The following C12orf42 variants were observed in gnomAD, a reference collection of about 807,000 sequenced individuals.
C12orf42 encodes uncharacterized protein C12orf42.
A neutral mutation model predicts 21.6 loss-of-function variants in C12orf42; 25 were observed. The observed-to-expected ratio is 1.16, with a 90% CI of 0.84 to 1.62. The LOEUF (loss-of-function observed/expected upper bound fraction) is 1.62, where lower values mean the gene tolerates loss of function less well. C12orf42 is among the 40% of genes most tolerant of loss of function. The pLI is 0.00. For synonymous variants in C12orf42, 174 were observed against 175.0 expected (o/e 0.99, Z 0.05); for missense variants, 483 against 459.3 (o/e 1.05, Z -0.47).
At chr12:103,430,104 A>C (rs1434946194) in intron 2 of C12orf42, among the ~76,000 whole-genome samples, 9 of 151,684 alleles carry the variant, frequency 5.9e-5, no homozygotes, top group Non-Finnish European at 1.2e-4. Context: ...ATGGCAACAA[A>C]AGCCAATGGG....
chr12:103,426,551 CA>C (rs1480699290), intron 2 of C12orf42, among the ~76,000 whole-genome samples: 1 of 152,142 alleles, frequency 6.6e-6, no homozygotes, highest in Admixed American at 6.5e-5. Context: ...GGATATTATC[CA>C]GAAGAACTTC....
intron 2 of C12orf42, among the ~76,000 whole-genome samples, chr12:103,440,457 C>CAAAAAAAAAAAAAAAAA: frequency 1.4e-5 from 1 of 69,664 alleles, no homozygotes; most frequent in African/African-American, 6.1e-5. Flanking sequence ...TCACAGATAC[C>CAAAAAAAAAAAAAAAAA]AAAAAAAAAA....
intron 3 of C12orf42, among the ~76,000 whole-genome samples, chr12:103,400,605 C>CAGGTCATGTTTTTCAACT: frequency 6.6e-6 from 1 of 152,218 alleles, no homozygotes; most frequent in Admixed American, 6.5e-5. Context: ...GTAAGAAAAC[C>CAGGTCATGTTTTTCAACT]AGGTCATGTT....
At chr12:103,538,240 T>C in the C12orf42 span, among the ~76,000 whole-genome samples, 1 of 152,194 alleles carries the variant, frequency 6.6e-6, no homozygotes, top group African/African-American at 2.4e-5. Context: ...AAGAGAGATA[T>C]CTAAGCTGCT....
At chr12:103,512,777 G>A in the C12orf42 span, among the ~76,000 whole-genome samples, 2 of 152,116 alleles carry the variant, frequency 1.3e-5, no homozygotes, top group African/African-American at 4.8e-5. Flanking sequence ...GCCAAGGCGG[G>A]TGGATCACGA....
At chr12:103,238,010 C>A (rs2033530745) in intron 10 of C12orf42, 1 of 152,218 alleles carries the variant, frequency 6.6e-6, no homozygotes. Flanking sequence ...GATTAATATA[C>A]TGCAGGAGGC....
the C12orf42 span, among the ~76,000 whole-genome samples, chr12:103,116,091 G>A: frequency 1.1e-4 from 17 of 152,316 alleles, no homozygotes; most frequent in Middle Eastern, 3.4e-3. Flanking sequence ...GCCGGGCGCA[G>A]TGGCTCACGC....
intron 3 of C12orf42, among the ~76,000 whole-genome samples, chr12:103,373,654 G>T (rs1270883446): frequency 6.6e-6 from 1 of 152,196 alleles, no homozygotes; most frequent in Admixed American, 6.5e-5. Flanking sequence ...CGTCCCACAT[G>T]ATCATGAAAA....
rs972734276 is a variant in C12orf42, at chr12:103,401,600, G to C, written c.147+7C>G. ...GCAGCCCTGCACATAACATTCCGCT[G>C]ACTCACCTTTGCACTGGGTGTGCTT... On this transcript the variant is annotated splice_region_variant and intron_variant, in intron 3 of 5. Coordinates refer to ENST00000548883, the MANE Select transcript of C12orf42 (RefSeq NM_198521.5). 4.3e-6 allele frequency: 7 copies of C among 1,613,370 alleles called. No individual in the cohort carries two copies. The highest frequency in any genetic ancestry group is 1.7e-4 in the Middle Eastern group (1 of 6,060).
the C12orf42 span, among the ~76,000 whole-genome samples, chr12:103,065,553 A>T: frequency 1.3e-5 from 2 of 152,320 alleles, no homozygotes; most frequent in Admixed American, 1.3e-4. Flanking sequence ...ACACTGGTCC[A>T]TTATACTGAT....
At chr12:103,506,363 C>A in the C12orf42 span, among the ~76,000 whole-genome samples, 1 of 142,742 alleles carries the variant, frequency 7.0e-6, no homozygotes, top group Admixed American at 7.2e-5. Context: ...CACTGCGGAG[C>A]TAAATTTTTT....
chr12:103,548,837 A>C, the C12orf42 span: 1 of 152,184 alleles, frequency 6.6e-6, no homozygotes, highest in African/African-American at 2.4e-5. Context: ...CATTCTGTGA[A>C]CATGCATCTT....
intron 4 of C12orf42, among the ~76,000 whole-genome samples, chr12:103,347,694 AT>A (rs2042751468): frequency 6.6e-6 from 1 of 152,156 alleles, no homozygotes; most frequent in South Asian, 2.1e-4. Context: ...TCTAAAAGGC[AT>A]TTATATAAAA....
At chr12:103,168,105 A>C in the C12orf42 span, 1 of 455,928 alleles carries the variant, frequency 2.2e-6, no homozygotes, top group South Asian at 1.5e-5. Context: ...CCACAATGGA[A>C]GTCTTTAAAC....
the C12orf42 span, among the ~76,000 whole-genome samples, chr12:103,193,189 G>A: frequency 1.3e-5 from 2 of 151,368 alleles, no homozygotes; most frequent in South Asian, 2.1e-4. Flanking sequence ...ATCTTCAGAC[G>A]AACAAAAATA....
At chr12:103,536,954 G>A in the C12orf42 span, among the ~76,000 whole-genome samples, 2 of 151,832 alleles carry the variant, frequency 1.3e-5, no homozygotes, top group African/African-American at 4.8e-5. Flanking sequence ...TTAATTTGGC[G>A]ATTGTCTGTC....
intron 4 of C12orf42, among the ~76,000 whole-genome samples, chr12:103,320,091 T>C (rs1343497584): frequency 6.6e-6 from 1 of 152,158 alleles, no homozygotes; most frequent in Non-Finnish European, 1.5e-5. Flanking sequence ...CAGAACCTAC[T>C]GCTGTCCACA....
intron 2 of C12orf42, among the ~76,000 whole-genome samples, chr12:103,460,092 G>A (rs559377518): frequency 4.4e-4 from 67 of 152,236 alleles, no homozygotes; most frequent in Middle Eastern, 3.4e-3. Context: ...ATTAAGGCTC[G>A]CTGTTCTGAT....
At chr12:103,172,552 G>A in the C12orf42 span, among the ~76,000 whole-genome samples, 2 of 152,080 alleles carry the variant, frequency 1.3e-5, no homozygotes, top group Non-Finnish European at 2.9e-5. Flanking sequence ...CAGGGTCTCA[G>A]AGAAGCAAAA....
Sources: allele counts gnomAD v4.1 joint callset (sites outside exome capture counted in the v4.1 genomes callset), GRCh38; gene constraint gnomAD v4.1.1; transcripts MANE v1.5; gene names NCBI Gene and HGNC (gene_info 2026-07-23, HGNC 2026-07-21).